Variants in ANKRD10 observed in about 807,000 individuals in gnomAD.
ANKRD10 encodes the protein ankyrin repeat domain-containing protein 10.
ANKRD10 carries 14 observed loss-of-function variants against 27.0 expected under a neutral mutation model. The ratio of observed to expected loss-of-function variants is 0.52; its 90% CI spans 0.34 to 0.81. The LOEUF (loss-of-function observed/expected upper bound fraction) is 0.81. Among genes scored for constraint, ANKRD10 ranks in the 40% least tolerant of loss-of-function variants. The probability of loss-of-function intolerance (pLI) is 0.01; values close to 1 mark genes in which losing one functional copy is unlikely to be tolerated. For synonymous variants in ANKRD10, 250 were observed against 224.5 expected (o/e 1.11, Z -1.01); for missense variants, 493 against 544.0 (o/e 0.91, Z 0.93).
At chr13:110,909,832 A>G (rs1270133971) in intron 2 of ANKRD10, among the ~76,000 whole-genome samples, 1 of 152,228 alleles carries the variant, frequency 6.6e-6, no homozygotes, top group Non-Finnish European at 1.5e-5. Flanking sequence ...CAAGACCTTG[A>G]TGACTATAAA....
intron 1 of ANKRD10, among the ~76,000 whole-genome samples, chr13:110,913,200 A>C (rs1049295223): frequency 6.6e-6 from 1 of 152,210 alleles, no homozygotes; most frequent in African/African-American, 2.4e-5. Flanking sequence ...TTCACTGACT[A>C]TCACCCAGTA....
intron 3 of ANKRD10, among the ~76,000 whole-genome samples, chr13:110,898,315 G>C (rs764182060): frequency 6.6e-6 from 1 of 152,182 alleles, no homozygotes; most frequent in African/African-American, 2.4e-5. Context: ...GGGTTTCCAA[G>C]TCAAAGATTA....
In ANKRD10 at chr13:110,883,788, T is replaced by C. The variant is rs1356830224; in HGVS notation, c.697A>G (p.Ser233Gly). 1 of 1,614,046 alleles carries C rather than the reference T, an allele frequency of 6.2e-7. No homozygotes were observed. The highest frequency in any genetic ancestry group is 2.2e-5 in the East Asian group (1 of 44,900). ...GTGAGTGGCACGGCAGAATCCAAGC[T>C]TTGAGCTGCACAGAAAACAAAGACT... ...GVKKARTEAQ[S>G]LDSAVPLTNG... Residue 233 changes from serine to glycine, a missense_variant, in exon 5 of 6, where the codon AGC (serine) becomes GGC (glycine). Ser to Gly is a moderately conservative substitution (Grantham distance 56, BLOSUM62 0). Coordinates refer to ENST00000267339, the MANE Select transcript of ANKRD10 (RefSeq NM_017664.4).
chr13:110,900,032 G>C (rs989146233), intron 3 of ANKRD10, among the ~76,000 whole-genome samples: 1 of 152,106 alleles, frequency 6.6e-6, no homozygotes, highest in South Asian at 2.1e-4. Flanking sequence ...GGCAACACAG[G>C]AAGACCCTGT....
Position 110,883,769 on chromosome 13 carries a change from G to A in ANKRD10, c.716C>T (p.Pro239Leu). 6.2e-7 allele frequency: 1 copy of A among 1,614,112 alleles called. No individual in the cohort carries two copies. The highest frequency in any genetic ancestry group is 1.1e-5 in the South Asian group (1 of 91,078). The change falls in exon 5 of 6, where the codon CCA becomes CTA. Residue 239 changes from proline to leucine, a missense_variant. Physicochemically the swap from Pro to Leu is moderately conservative, Grantham distance 98 (BLOSUM62 -3). Coordinates refer to ENST00000267339, the MANE Select transcript of ANKRD10 (RefSeq NM_017664.4). Reference sequence around the variant, plus strand: ...GTCTTCTGTGTCGCCATTCGTGAGTGGCACGGCAGAATCCAAGCTTTGAGC... The same window carrying A: ...GTCTTCTGTGTCGCCATTCGTGAGTAGCACGGCAGAATCCAAGCTTTGAGC... Reference protein sequence around the residue: ...TEAQSLDSAVPLTNGDTEDDA... With the variant: ...TEAQSLDSAVLLTNGDTEDDA...
intron 4 of ANKRD10, chr13:110,892,635 A>G (rs1385083113): frequency 4.0e-6 from 3 of 745,160 alleles, no homozygotes; most frequent in Non-Finnish European, 4.9e-6. Context: ...CCAGACCATC[A>G]GCAATTTTTA....
At chr13:110,900,732 G>C in intron 3 of ANKRD10, 1 of 1,300,564 alleles carries the variant, frequency 7.7e-7, no homozygotes, top group Non-Finnish European at 1.0e-6. Flanking sequence ...TACAGATTCA[G>C]AATCTTCTGT....
intron 3 of ANKRD10, chr13:110,900,507 A>C: frequency 7.9e-7 from 1 of 1,263,612 alleles, no homozygotes; most frequent in African/African-American, 1.6e-5. Flanking sequence ...ATTAGCGTTA[A>C]AACCAATCAC....
At chr13:110,900,657 G>C in intron 3 of ANKRD10, 1 of 1,351,832 alleles carries the variant, frequency 7.4e-7, no homozygotes, top group Non-Finnish European at 9.8e-7. Context: ...CCCTTTCTAG[G>C]ATTACTTGAA....
intron 3 of ANKRD10, among the ~76,000 whole-genome samples, chr13:110,896,864 A>G (rs1279116318): frequency 3.3e-5 from 5 of 152,240 alleles, no homozygotes; most frequent in Non-Finnish European, 7.3e-5. Flanking sequence ...GCCATAGGTT[A>G]TACAAAAAAA....
chr13:110,881,527 G>C lies in ANKRD10; in HGVS notation c.788-1415C>G, dbSNP rs3803226. ...GCTATAAATTCTTCACAGGACAATA[G>C]ATTTTTTTTCCCCCAAATTAAATGA... is the stretch of plus-strand genomic sequence containing the variant. On this transcript the variant is annotated intron_variant, in intron 5 of 5. Transcript: ENST00000267339. Among the ~76,000 whole-genome samples, 72 of 21,092 alleles carry C rather than the reference G, an allele frequency of 3.4e-3. No homozygotes were observed. The East Asian group carries it at 0.049, about 14-fold the overall frequency. The allele number at this position is 21,092 out of a possible 152,430, so 13.8% of individuals were successfully genotyped here.
Position 110,897,295 on chromosome 13 carries a change from T to TTC in ANKRD10, c.456-4033_456-4032insGA, listed in dbSNP as rs2065253174. ...GGCATGTGCTACCATGCCTGGCTAC[T>TTC]TTTTTTTTTTTTTTTTTAATTTTGA... is the stretch of plus-strand genomic sequence containing the variant. On this transcript the variant is annotated intron_variant, in intron 3 of 5. Coordinates refer to ENST00000267339, the MANE Select transcript of ANKRD10 (RefSeq NM_017664.4). Among the ~76,000 whole-genome samples the TTC allele has an allele frequency of 0.014, 3 of 216 alleles. No homozygotes were observed. The East Asian group carries it at 0.19, about 13-fold the overall frequency. The allele number at this position is 216 out of a possible 152,430, so 0.1% of individuals were successfully genotyped here. A position where few individuals can be genotyped will look rare whatever the true frequency, so the allele number is the denominator to read the frequency against.
chr13:110,898,997 C>G (rs1418066630), intron 3 of ANKRD10: 1 of 151,950 alleles, frequency 6.6e-6, no homozygotes, highest in Non-Finnish European at 1.5e-5. Flanking sequence ...CCTCAGATGA[C>G]CCACCCACCT....
intron 1 of ANKRD10, among the ~76,000 whole-genome samples, chr13:110,914,044 AAC>A (rs1194201254): frequency 6.6e-6 from 1 of 152,206 alleles, no homozygotes; most frequent in Non-Finnish European, 1.5e-5. Flanking sequence ...ATCCAAGATA[AAC>A]ACAGCCGTCA....
chr13:110,890,787 T>C (rs931467495), intron 4 of ANKRD10, among the ~76,000 whole-genome samples: 1 of 138,316 alleles, frequency 7.2e-6, no homozygotes, highest in Admixed American at 7.4e-5. Flanking sequence ...GAATGTATAG[T>C]TTGGGAAGGC....
chr13:110,900,512 A>C, intron 3 of ANKRD10: 1 of 1,271,554 alleles, frequency 7.9e-7, no homozygotes, highest in African/African-American at 1.5e-5. Flanking sequence ...CGTTAAAACC[A>C]ATCACCGCAA....
chr13:110,902,031 AG>A lies in ANKRD10; in HGVS notation c.455+4001del, dbSNP rs372673049. Among the ~76,000 whole-genome samples the A allele has an allele frequency of 1.4e-4, 20 of 141,586 alleles. No homozygotes were observed. The East Asian group carries it at 3.7e-3, about 26-fold the overall frequency. The allele number at this position is 141,586 out of a possible 152,430, so 92.9% of individuals were successfully genotyped here. On this transcript the variant is annotated intron_variant, in intron 3 of 5. Transcript: ENST00000267339. ...GTACTTTAGCCTGGACGACAAAGGG[AG>A]ACTCTGTCTCTTTTTAGAAAAAAAA...
intron 4 of ANKRD10, among the ~76,000 whole-genome samples, chr13:110,886,000 C>A (rs952337531): frequency 5.3e-5 from 8 of 152,162 alleles, no homozygotes; most frequent in Non-Finnish European, 7.4e-5. Flanking sequence ...CAGATGAAGC[C>A]CACCCACTAG....
intron 3 of ANKRD10, chr13:110,904,386 TAA>T (rs753047967): frequency 3.3e-5 from 5 of 151,000 alleles, no homozygotes; most frequent in South Asian, 2.1e-4. Context: ...TCTCATTTTT[TAA>T]AAGACACCTA....
Sources: gnomAD v4.1 joint callset for allele counts (sites outside exome capture counted in the v4.1 genomes callset) on GRCh38, gnomAD v4.1.1 for gene constraint, MANE v1.5 for transcripts, NCBI Gene and HGNC (gene_info 2026-07-23, HGNC 2026-07-21) for gene names.